Variants in ROBO3 observed in about 807,000 individuals in gnomAD.
ROBO3 encodes the protein roundabout homolog 3.
ROBO3 carries 97 observed loss-of-function variants against 160.5 expected under a neutral mutation model. The observed-to-expected ratio is 0.60, with a 90% CI of 0.51 to 0.72. The LOEUF is 0.72. Ranked by LOEUF, ROBO3 falls within the 30% of genes least tolerant of loss-of-function variation. The pLI is 0.00. For synonymous variants in ROBO3, 780 were observed against 746.2 expected (o/e 1.05, Z -0.74); for missense variants, 1,858 against 1,846.5 (o/e 1.01, Z -0.11).
rs769869436 is a variant in ROBO3 at position 124,881,386 on chromosome 11, A to C, written c.*136A>C. On this transcript the variant is annotated 3_prime_UTR_variant, in exon 28 of 28. Transcript: ENST00000397801. ...CGATTTCAATTGGCTGAGAAGGCAGAGAGCTAGCTCCTCCCTTTCTTTCTT... is the reference window on the plus strand; with the variant it reads ...CGATTTCAATTGGCTGAGAAGGCAGCGAGCTAGCTCCTCCCTTTCTTTCTT... 5 of 802,438 alleles carry C rather than the reference A, an allele frequency of 6.2e-6. No individual in the cohort carries two copies. The highest frequency in any genetic ancestry group is 1.7e-5 in the African/African-American group (1 of 57,946). 49.7% of individuals were successfully genotyped at this position (802,438 alleles called of 1,614,324 possible). A position where few individuals can be genotyped will look rare whatever the true frequency, so the allele number is the denominator to read the frequency against.
In ROBO3 at chr11:124,876,358, T is replaced by G; in HGVS notation, c.2677T>G (p.Phe893Val). The G allele has an allele frequency of 7.0e-7, 1 of 1,434,014 alleles. No homozygotes were observed. Among genetic ancestry groups the G allele is most frequent in the Admixed American group, 2.9e-5 (1 of 34,736 alleles). The allele number at this position is 1,434,014 out of a possible 1,614,324, so 88.8% of individuals were successfully genotyped here. The change falls in exon 17 of 28, where the codon TTC becomes GTC. Residue 893 changes from phenylalanine to valine, a missense_variant. By Grantham distance (50) the Phe-to-Val change is conservative. Transcript: ENST00000397801. The surrounding 1 kb of genome is among the most constrained non-coding windows in gnomAD (Gnocchi z 5.3). ...GGCGAGGGTGCTGCGGGAGCCCGCC[T>G]TCCTCGCGGGCAGCGGCGCAGCCTG... ...RLARVLREPAFLAGSGAACGA... is the reference protein window; with the variant it reads ...RLARVLREPAVLAGSGAACGA...
intron 1 of ROBO3, chr11:124,868,476 C>G (rs1445579474): frequency 1.7e-6 from 1 of 593,204 alleles, no homozygotes; most frequent in South Asian, 2.0e-5. Context: ...ACTCGCCAAG[C>G]GTGGTTCAGC....
rs1946302595 is a variant in ROBO3 at position 124,873,189 on chromosome 11, C to A, written c.1536+100C>A. 7.0e-7 allele frequency: 1 copy of A among 1,420,978 alleles called. No individual in the cohort carries two copies. The highest frequency in any genetic ancestry group is 9.7e-7 in the Non-Finnish European group (1 of 1,027,060). 88.0% of individuals were successfully genotyped at this position (1,420,978 alleles called of 1,614,324 possible). ...ACTGGGCCTGTAGCCCCATCTTTAC[C>A]CCTCTGTTCTCTCAGAGCACCTAGT... On this transcript the variant is annotated intron_variant, in intron 9 of 27. Transcript: ENST00000397801. The surrounding 1 kb of genome is among the most constrained non-coding windows in gnomAD (Gnocchi z 4.5).
chr11:124,876,514 G>A lies in ROBO3; in HGVS notation c.2779+54G>A, dbSNP rs1447940473. The A allele has an allele frequency of 7.5e-7, 1 of 1,329,338 alleles. No homozygotes were observed. Among genetic ancestry groups the A allele is most frequent in the Non-Finnish European group, 9.6e-7 (1 of 1,037,974 alleles). The allele number at this position is 1,329,338 out of a possible 1,614,324, so 82.3% of individuals were successfully genotyped here. On this transcript the variant is annotated intron_variant, in intron 17 of 27. Transcript: ENST00000397801. This position sits in a 1 kb window ranked among gnomAD's most constrained non-coding sequence, Gnocchi z 5.3. ...TCCGGGAGGGAGCCAGGCGGCCCAT[G>A]GGGAGGGGCAGGGGCTTAGCCGCTG... is the stretch of plus-strand genomic sequence containing the variant.
chr11:124,875,030 G>A (rs947475772), intron 13 of ROBO3, 81 bp from the exon 14 acceptor site: 4 of 1,512,482 alleles, frequency 2.6e-6, no homozygotes, highest in Non-Finnish European at 3.6e-6. Context: ...TGAGTGGGAG[G>A]AGGGGCTGGG....
At position 124,874,075 on chromosome 11, in the gene ROBO3, C is replaced by A; in HGVS notation, c.1790C>A (p.Ala597Glu). ...TSYVIEAFSP[A>E]AGNTWRTVAD... ...TCATCTCCTTCTTGTTGTAGCCCAG[C>A]AGCTGGCAACACATGGCGTACTGTG... is the stretch of plus-strand genomic sequence containing the variant. The change falls in exon 12 of 28, where the codon GCA (alanine) becomes GAA (glutamate). Residue 597 changes from alanine (A) to glutamate (E), a missense_variant. Ala to Glu is a moderately radical substitution (Grantham distance 107). Transcript: ENST00000397801. 6.2e-7 allele frequency: 1 copy of A among 1,613,884 alleles called. No homozygotes were observed. The highest frequency in any genetic ancestry group is 8.5e-7 in the Non-Finnish European group (1 of 1,179,864).
chr11:124,880,323 T>C (rs961244118), intron 26 of ROBO3, 95 bp from the exon 27 acceptor site: 4 of 1,530,880 alleles, frequency 2.6e-6, no homozygotes, highest in Non-Finnish European at 3.5e-6. Flanking sequence ...TTCATCTTCT[T>C]CCAGAGCTGA....
At position 124,879,615 on chromosome 11, in the gene ROBO3, C is replaced by T. The variant is rs377418427; in HGVS notation, c.3796+40C>T. ...ACCTGGGAGATGGTGACAGTAGTGG[C>T]GGGGGGATAGGCAGGAAACCAAGGG... is the stretch of plus-strand genomic sequence containing the variant. On this transcript the variant is annotated intron_variant, in intron 25 of 27. Transcript: ENST00000397801. The T allele has an allele frequency of 4.0e-5, 62 of 1,554,798 alleles. No individual in the cohort carries two copies. The Middle Eastern group carries it at 5.0e-4, about 13-fold the overall frequency.
Position 124,873,239 on chromosome 11 carries a change from C to A in ROBO3, c.1537-71C>A. 2.0e-6 allele frequency: 3 copies of A among 1,466,674 alleles called. No individual in the cohort carries two copies. Among genetic ancestry groups the A allele is most frequent in the Non-Finnish European group, 2.8e-6 (3 of 1,067,244 alleles). 90.9% of individuals were successfully genotyped at this position (1,466,674 alleles called of 1,614,324 possible). On this transcript the variant is annotated intron_variant, in intron 9 of 27. Transcript: ENST00000397801. The surrounding 1 kb of genome is among the most constrained non-coding windows in gnomAD (Gnocchi z 4.5). Reference sequence around the variant, plus strand: ...TATCCAACATCTTCCCATCCTTCTGCTACCCGCCTCCACCCCCTCACTGGA... The same window carrying A: ...TATCCAACATCTTCCCATCCTTCTGATACCCGCCTCCACCCCCTCACTGGA...
rs1946463899 is a variant in ROBO3, at chr11:124,878,494, G to C, written c.3320+58G>C. The C allele has an allele frequency of 2.5e-6, 4 of 1,602,190 alleles. No individual in the cohort carries two copies. On this transcript the variant is annotated intron_variant, in intron 22 of 27. Transcript: ENST00000397801. This position sits in a 1 kb window ranked among gnomAD's most constrained non-coding sequence, Gnocchi z 4.3. ...CCTGCGGCCAGACCATGGGCTGCTG[G>C]GGAGGAAGGGGAGGGGGCAGCAGGA... is the stretch of plus-strand genomic sequence containing the variant.
Position 124,878,886 on chromosome 11 carries a change from G to A in ROBO3, c.3533+90G>A. 1 of 1,132,552 alleles carries A rather than the reference G, an allele frequency of 8.8e-7. No homozygotes were observed. Among genetic ancestry groups the A allele is most frequent in the Non-Finnish European group, 1.3e-6 (1 of 785,298 alleles). 70.2% of individuals were successfully genotyped at this position (1,132,552 alleles called of 1,614,324 possible). On this transcript the variant is annotated intron_variant, in intron 23 of 27. Coordinates refer to ENST00000397801, the MANE Select transcript of ROBO3 (RefSeq NM_022370.4). The surrounding 1 kb of genome is among the most constrained non-coding windows in gnomAD (Gnocchi z 4.3). ...TGGGTGGGTGGATGGATGGATGGGT[G>A]GATGGATCTGGGGTACAGAGGTCTC...
At chr11:124,871,160 G>C (rs748050220) in intron 7 of ROBO3, 22 bp downstream of exon 7, 8 of 1,601,524 alleles carry the variant, frequency 5.0e-6, no homozygotes, top group Admixed American at 1.7e-5. Flanking sequence ...TCTCCAAGGA[G>C]CTTCCCATCA....
rs1946369979 is a variant in ROBO3, at chr11:124,876,339, G to A, written c.2658G>A (p.Arg886=). ...CGGGGCTGGCGGTGCGGCTGGCGAGGGTGCTGCGGGAGCCCGCCTTCCTCG... is the reference window on the plus strand; with the variant it reads ...CGGGGCTGGCGGTGCGGCTGGCGAGAGTGCTGCGGGAGCCCGCCTTCCTCG... ...VGAGLAVRLA[R]VLREPAFLAG... is the part of the protein sequence containing the mutation. The change falls in exon 17 of 28, where the codon AGG becomes AGA. Residue 886 remains arginine, a synonymous_variant. Transcript: ENST00000397801. The surrounding 1 kb of genome is among the most constrained non-coding windows in gnomAD (Gnocchi z 5.3). The A allele has an allele frequency of 3.1e-5, 45 of 1,433,138 alleles. No homozygotes were observed. The highest frequency in any genetic ancestry group is 4.0e-5 in the Non-Finnish European group (44 of 1,103,466). The allele number at this position is 1,433,138 out of a possible 1,614,324, so 88.8% of individuals were successfully genotyped here.
Position 124,879,212 on chromosome 11 carries a change from T to A in ROBO3, c.3556T>A (p.Ser1186Thr). Reference sequence around the variant, plus strand: ...CAGGAGGGTGCCCCTTGGGCCGAGTTCCCCTCTCAGTGTATCCCAGCCCAT... The same window carrying A: ...CAGGAGGGTGCCCCTTGGGCCGAGTACCCCTCTCAGTGTATCCCAGCCCAT... ...MPRRVPLGPSSPLSVSQPMLG... is the reference protein window; with the variant it reads ...MPRRVPLGPSTPLSVSQPMLG... The change falls in exon 24 of 28, where the codon TCC becomes ACC. Residue 1186 changes from serine (S) to threonine (T), a missense_variant. Transcript: ENST00000397801. 1 of 1,552,642 alleles carries A rather than the reference T, an allele frequency of 6.4e-7. No individual in the cohort carries two copies. The highest frequency in any genetic ancestry group is 8.7e-7 in the Non-Finnish European group (1 of 1,147,568).
rs1256336505 is a variant in ROBO3 at position 124,869,616 on chromosome 11, G to A, written c.645+9G>A. On this transcript the variant is annotated intron_variant, in intron 3 of 27. Coordinates refer to ENST00000397801, the MANE Select transcript of ROBO3 (RefSeq NM_022370.4). The surrounding 1 kb of genome is among the most constrained non-coding windows in gnomAD (Gnocchi z 4.2). ...AGGAAGGAAGGATCACGGTGAGGGCGGGATTATGATTGGAGACCCCAACAA... is the reference window on the plus strand; with the variant it reads ...AGGAAGGAAGGATCACGGTGAGGGCAGGATTATGATTGGAGACCCCAACAA... 6.4e-7 allele frequency: 1 copy of A among 1,558,352 alleles called. No homozygotes were observed. The highest frequency in any genetic ancestry group is 1.2e-5 in the South Asian group (1 of 82,710).
chr11:124,878,916 C>A lies in ROBO3; in HGVS notation c.3533+120C>A. On this transcript the variant is annotated intron_variant, in intron 23 of 27. Coordinates refer to ENST00000397801, the MANE Select transcript of ROBO3 (RefSeq NM_022370.4). The surrounding 1 kb of genome is among the most constrained non-coding windows in gnomAD (Gnocchi z 4.3). Reference sequence around the variant, plus strand: ...GATCTGGGGTACAGAGGTCTCAGGGCTGTGTCAGGGTGGAAGTGTAATTTG... The same window carrying A: ...GATCTGGGGTACAGAGGTCTCAGGGATGTGTCAGGGTGGAAGTGTAATTTG... 1 of 927,182 alleles carries A rather than the reference C, an allele frequency of 1.1e-6. No individual in the cohort carries two copies. Among genetic ancestry groups the A allele is most frequent in the Non-Finnish European group, 1.6e-6 (1 of 612,972 alleles). The allele number at this position is 927,182 out of a possible 1,614,324, so 57.4% of individuals were successfully genotyped here. A position where few individuals can be genotyped will look rare whatever the true frequency, so the allele number is the denominator to read the frequency against.
chr11:124,880,000 C>T, intron 26 of ROBO3, 52 bp downstream of exon 26: 3 of 1,480,082 alleles, frequency 2.0e-6, no homozygotes, highest in Non-Finnish European at 1.8e-6. Context: ...AGACTGTGGG[C>T]TTTGGGACTG....
At position 124,879,193 on chromosome 11, in the gene ROBO3, G is replaced by A. The variant is rs761517466; in HGVS notation, c.3537G>A (p.Arg1179=). 2 of 1,551,142 alleles carry A rather than the reference G, an allele frequency of 1.3e-6. No homozygotes were observed. The highest frequency in any genetic ancestry group is 2.4e-5 in the South Asian group (2 of 84,032). The change falls in exon 24 of 28, where the codon AGG becomes AGA. Residue 1179 remains arginine, a synonymous_variant. Transcript: ENST00000397801. ...CTGCGGCCTCCTGTCATTGCAGGAGGGTGCCCCTTGGGCCGAGTTCCCCTC... is the reference window on the plus strand; with the variant it reads ...CTGCGGCCTCCTGTCATTGCAGGAGAGTGCCCCTTGGGCCGAGTTCCCCTC... ...DMPHLHQMPR[R]VPLGPSSPLS...
chr11:124,881,231 C>G lies in ROBO3; in HGVS notation c.4150-8C>G. The G allele has an allele frequency of 6.2e-7, 1 of 1,605,520 alleles. No homozygotes were observed. ...TTTACAAAACAGCATCTCTCTCTCT[C>G]TCCCTAGGAACCAAGATGACCCTTG... is the stretch of plus-strand genomic sequence containing the variant. On this transcript the variant is annotated splice_polypyrimidine_tract_variant and splice_region_variant and intron_variant, in intron 27 of 27. Transcript: ENST00000397801.
Sources: allele counts gnomAD v4.1 joint callset, GRCh38; gene constraint gnomAD v4.1.1; non-coding constraint Gnocchi (gnomAD v3.1); transcripts MANE v1.5; gene names NCBI Gene and HGNC (gene_info 2026-07-23, HGNC 2026-07-21).